SNX16: variants seen among roughly 807,000 people sequenced by gnomAD.
SNX16 encodes the protein sorting nexin-16.
In SNX16, 35 loss-of-function variants were observed where a neutral mutation model predicts 36.7. The observed-to-expected ratio is 0.95, with a 90% CI of 0.73 to 1.27. SNX16 has a LOEUF of 1.27. Among genes scored for constraint, SNX16 ranks in the 50% most tolerant of loss-of-function variants. The pLI is 0.00. For synonymous variants in SNX16, 134 were observed against 132.0 expected (o/e 1.02, Z -0.10); for missense variants, 367 against 393.6 (o/e 0.93, Z 0.57).
At chr8:81,819,310 A>G (rs1013917372) in intron 4 of SNX16, among the ~76,000 whole-genome samples, 12 of 152,158 alleles carry the variant, frequency 7.9e-5, no homozygotes, top group African/African-American at 2.9e-4. Flanking sequence ...ACAAATAGCT[A>G]TATTTTAACT....
At chr8:81,811,787 C>T (rs2130637645) in intron 5 of SNX16, among the ~76,000 whole-genome samples, 1 of 152,106 alleles carries the variant, frequency 6.6e-6, no homozygotes, top group South Asian at 2.1e-4. Flanking sequence ...GAAACAAGGT[C>T]AATCTAAGCA....
At chr8:81,822,935 T>TAC (rs1161107628) in intron 4 of SNX16, among the ~76,000 whole-genome samples, 1 of 101,848 alleles carries the variant, frequency 9.8e-6, no homozygotes, top group African/African-American at 3.9e-5. Flanking sequence ...TGTATATATA[T>TAC]ATATACATAT....
At chr8:81,837,955 A>G (rs982226521) in intron 2 of SNX16, among the ~76,000 whole-genome samples, 3 of 152,252 alleles carry the variant, frequency 2.0e-5, no homozygotes, top group Non-Finnish European at 4.4e-5. Context: ...ATCCTGTCAT[A>G]AATTTACAGC....
Position 81,839,997 on chromosome 8 carries a change from C to T in SNX16, c.-11G>A. 1.9e-6 allele frequency: 3 copies of T among 1,581,798 alleles called. No homozygotes were observed. The highest frequency in any genetic ancestry group is 1.7e-6 in the Non-Finnish European group (2 of 1,165,662). ...ATAAGGAGTTGCCATCTTCTTTTGGCTTTTCCAACAAGCTTGCACACTGTT... is the reference window on the plus strand; with the variant it reads ...ATAAGGAGTTGCCATCTTCTTTTGGTTTTTCCAACAAGCTTGCACACTGTT... On this transcript the variant is annotated 5_prime_UTR_variant, in exon 2 of 8. Coordinates refer to ENST00000345957, the MANE Select transcript of SNX16 (RefSeq NM_152836.3).
chr8:81,820,730 GTTACTTTTAT>G (rs1300936202), intron 4 of SNX16, among the ~76,000 whole-genome samples: 1 of 151,694 alleles, frequency 6.6e-6, no homozygotes, highest in Non-Finnish European at 1.5e-5. Flanking sequence ...TTGAGTTCTT[GTTACTTTTAT>G]AAAATGTATC....
At chr8:81,813,692 G>T (rs1406446626) in intron 5 of SNX16, among the ~76,000 whole-genome samples, 1 of 151,744 alleles carries the variant, frequency 6.6e-6, no homozygotes, top group Non-Finnish European at 1.5e-5. Context: ...TCTGATAAAG[G>T]ATTAATATCT....
At chr8:81,836,219 A>G (rs1811488358) in intron 2 of SNX16, among the ~76,000 whole-genome samples, 1 of 152,170 alleles carries the variant, frequency 6.6e-6, no homozygotes, top group Non-Finnish European at 1.5e-5. Context: ...TAAAGACTAG[A>G]CACCTTATAT....
intron 4 of SNX16, among the ~76,000 whole-genome samples, chr8:81,817,856 T>A (rs1339400618): frequency 1.3e-5 from 2 of 152,134 alleles, no homozygotes; most frequent in African/African-American, 4.8e-5. Flanking sequence ...TTAGATCCAG[T>A]GAATATTTAT....
At chr8:81,837,901 C>A (rs1263330692) in intron 2 of SNX16, among the ~76,000 whole-genome samples, 1 of 152,136 alleles carries the variant, frequency 6.6e-6, no homozygotes, top group South Asian at 2.1e-4. Flanking sequence ...TAAAGACTGC[C>A]TCTTCATAAA....
At chr8:81,842,178 CTCTCCTTAACCGCAGCTTT>C (rs1811835905) in exon 1 of SNX16, 2 of 150,048 alleles carry the variant, frequency 1.3e-5, no homozygotes, top group African/African-American at 4.9e-5. Flanking sequence ...TTAAACCGGA[CTCTCCTTAACCGCAGCTTT>C]TCGCCTCCTC....
In SNX16 at chr8:81,801,529, C is replaced by T; in HGVS notation, c.1003G>A (p.Ala335Thr). 6.3e-7 allele frequency: 1 copy of T among 1,594,448 alleles called. No homozygotes were observed. The highest frequency in any genetic ancestry group is 1.1e-5 in the South Asian group (1 of 90,170). ...TCTTCAGCATCATATGCCACTTCTG[C>T]TACTTCTATCTCTGATACAGCATTT... ...PENAVSEIEV[A>T]EVAYDAEED Residue 335 changes from alanine to threonine, a missense_variant, in exon 8 of 8, where the codon GCA (alanine) becomes ACA (threonine). Ala to Thr is a moderately conservative substitution (Grantham distance 58, BLOSUM62 0). Transcript: ENST00000345957.
chr8:81,832,863 T>C (rs148324246), intron 2 of SNX16, among the ~76,000 whole-genome samples: 1 of 149,940 alleles, frequency 6.7e-6, no homozygotes, highest in African/African-American at 2.5e-5. Context: ...CAATAAATAT[T>C]TGCTGAATAA....
chr8:81,837,689 T>C (rs910349926), intron 2 of SNX16, among the ~76,000 whole-genome samples: 2 of 152,206 alleles, frequency 1.3e-5, no homozygotes, highest in African/African-American at 4.8e-5. Flanking sequence ...CTCCATCTCT[T>C]AATACCATCA....
Position 81,815,311 on chromosome 8 carries a change from A to C in SNX16, c.681+14T>G. The stretch of plus-strand genomic sequence containing the variant: ...TTGTTCCTCTTTTCATGTGCTATAT[A>C]ATACAGCACTTACCCTGCTTTCTTC... On this transcript the variant is annotated intron_variant, in intron 5 of 7. Coordinates refer to ENST00000345957, the MANE Select transcript of SNX16 (RefSeq NM_152836.3). 1 of 1,598,058 alleles carries C rather than the reference A, an allele frequency of 6.3e-7. No individual in the cohort carries two copies. Among genetic ancestry groups the C allele is most frequent in the Non-Finnish European group, 8.6e-7 (1 of 1,167,248 alleles).
chr8:81,813,141 A>C (rs1810337877), intron 5 of SNX16, among the ~76,000 whole-genome samples: 2 of 152,068 alleles, frequency 1.3e-5, no homozygotes. Context: ...GCTATGTAGA[A>C]GGGATGGATC....
At chr8:81,814,305 A>C (rs746718585) in intron 5 of SNX16, among the ~76,000 whole-genome samples, 14 of 152,064 alleles carry the variant, frequency 9.2e-5, no homozygotes, top group Non-Finnish European at 5.9e-5. Flanking sequence ...ATCAGGTGTA[A>C]AAGATTATAA....
intron 2 of SNX16, among the ~76,000 whole-genome samples, chr8:81,837,612 C>T (rs1488980419): frequency 6.6e-6 from 1 of 152,116 alleles, no homozygotes; most frequent in Admixed American, 6.6e-5. Flanking sequence ...CTCTCTGGGG[C>T]CTCTTTTTAA....
chr8:81,811,417 A>G (rs565544240), intron 5 of SNX16, among the ~76,000 whole-genome samples: 1 of 152,180 alleles, frequency 6.6e-6, no homozygotes, highest in African/African-American at 2.4e-5. Context: ...CTTGAAAATG[A>G]CCTTAACTTT....
chr8:81,824,364 T>C (rs1245757806), intron 3 of SNX16, among the ~76,000 whole-genome samples: 1 of 152,184 alleles, frequency 6.6e-6, no homozygotes, highest in African/African-American at 2.4e-5. Flanking sequence ...TTATAAGAGT[T>C]CTTTATATAT....
Sources: gnomAD v4.1 joint callset for allele counts (sites outside exome capture counted in the v4.1 genomes callset) on GRCh38, gnomAD v4.1.1 for gene constraint, MANE v1.5 for transcripts, NCBI Gene and HGNC (gene_info 2026-07-23, HGNC 2026-07-21) for gene names.